Variants in KMT2C observed in about 807,000 individuals in gnomAD.
KMT2C encodes the protein histone-lysine N-methyltransferase 2C.
In KMT2C, 88 loss-of-function variants were observed where a neutral mutation model predicts 507.9. That is an observed-to-expected ratio of 0.17 (90% CI 0.15 to 0.21). The LOEUF is 0.21. KMT2C is among the 10% of genes least tolerant of loss of function. The pLI is 1.00. For missense variants in KMT2C, 4,954 were observed against 5,957.8 expected, an observed-to-expected ratio of 0.83 and a Z score of 5.55; for synonymous variants, 2,049 against 2,080.8, an observed-to-expected ratio of 0.98 and a Z score of 0.42.
rs1022410700 is a variant in KMT2C at position 152,337,732 on chromosome 7, C to T, written c.251-6993G>A. Among the ~76,000 whole-genome samples the T allele has an allele frequency of 1.1e-4, 17 of 152,090 alleles. No homozygotes were observed. The East Asian group carries it at 1.5e-3, about 14-fold the overall frequency. On this transcript the variant is annotated intron_variant, in intron 2 of 58. Transcript: ENST00000262189. ...TGATCCAAAAATAAAAAAAAAAGAA[C>T]GCATGAAAAGCACTTAGCTCAACGT...
At chr7:152,204,636 T>TAGATAGATAGATAGAC (rs376481420) in intron 25 of KMT2C, among the ~76,000 whole-genome samples, 252 of 127,562 alleles carry the variant, frequency 2.0e-3, no homozygotes, top group East Asian at 6.5e-3. Flanking sequence ...GATAGATAGA[T>TAGATAGATAGATAGAC]AGACAGACAG....
At chr7:152,299,123 T>C (rs1167817646) in intron 6 of KMT2C, among the ~76,000 whole-genome samples, 20 of 151,668 alleles carry the variant, frequency 1.3e-4, no homozygotes, top group Admixed American at 1.2e-3. Context: ...ATCGAGACCA[T>C]CCTGGCCAAC....
At chr7:152,298,444 A>AC (rs1488119134) in intron 6 of KMT2C, among the ~76,000 whole-genome samples, 6 of 152,242 alleles carry the variant, frequency 3.9e-5, no homozygotes, top group African/African-American at 1.4e-4. Flanking sequence ...GATAAGAACA[A>AC]CATCAGATTT....
chr7:152,209,302 A>G (rs2094395363), intron 23 of KMT2C, among the ~76,000 whole-genome samples: 1 of 151,582 alleles, frequency 6.6e-6, no homozygotes, highest in South Asian at 2.1e-4. Context: ...TAAAAAATAC[A>G]AAAAATTAGC....
At chr7:152,255,118 TATATATATATATATATATATATATATAC>T (rs1482787960) in intron 9 of KMT2C, among the ~76,000 whole-genome samples, 23 of 97,710 alleles carry the variant, frequency 2.4e-4, no homozygotes, top group South Asian at 2.3e-3. Context: ...CTTATATATA[TATATATATATATATATATATATATATAC>T]ATATATATAT....
intron 2 of KMT2C, among the ~76,000 whole-genome samples, chr7:152,332,609 G>T (rs1210664093): frequency 6.6e-6 from 1 of 152,140 alleles, no homozygotes; most frequent in Admixed American, 6.6e-5. Flanking sequence ...ACTTTGGGAG[G>T]CCAAGGTGGG....
At chr7:152,343,387 T>A in intron 2 of KMT2C, among the ~76,000 whole-genome samples, 1 of 144,886 alleles carries the variant, frequency 6.9e-6, no homozygotes, top group Middle Eastern at 3.7e-3. Flanking sequence ...GGAAACAATC[T>A]CATTGCTTGA....
At chr7:152,376,661 T>C (rs1462966742) in intron 1 of KMT2C, among the ~76,000 whole-genome samples, 3 of 152,208 alleles carry the variant, frequency 2.0e-5, no homozygotes, top group Admixed American at 2.0e-4. Flanking sequence ...GAAGAAAAAC[T>C]GGAAGCAAGT....
At chr7:152,264,051 C>T (rs968996266) in intron 8 of KMT2C, among the ~76,000 whole-genome samples, 6 of 152,066 alleles carry the variant, frequency 3.9e-5, no homozygotes, top group African/African-American at 1.4e-4. Context: ...TCCTCAGCTA[C>T]GTGGAAAGAT....
rs1203025108 is a variant in KMT2C at position 152,154,361 on chromosome 7, C to G, written c.12045G>C (p.Val4015=). The G allele has an allele frequency of 6.2e-7, 1 of 1,614,170 alleles. No individual in the cohort carries two copies. The highest frequency in any genetic ancestry group is 8.5e-7 in the Non-Finnish European group (1 of 1,180,020). The change falls in exon 47 of 59, where the codon GTG becomes GTC. Residue 4015 remains valine, a synonymous_variant. Coordinates refer to ENST00000262189, the MANE Select transcript of KMT2C (RefSeq NM_170606.3). The stretch of plus-strand genomic sequence containing the variant: ...CCAATGACAGATCTGGATACCTGCT[C>G]ACTTCTACCCCAACCACACTCTCAG... ...SSPESVVGVE[V]SRYPDLSLVK...
chr7:152,381,604 T>A (rs1459923882), intron 1 of KMT2C, among the ~76,000 whole-genome samples: 2 of 152,296 alleles, frequency 1.3e-5, no homozygotes, highest in Non-Finnish European at 2.9e-5. Context: ...CTTTAAAATA[T>A]CTTAAGAAAT....
chr7:152,159,225 C>T (rs2092296764), intron 43 of KMT2C, among the ~76,000 whole-genome samples, 153 bp from the exon 44 acceptor site: 1 of 152,154 alleles, frequency 6.6e-6, no homozygotes, highest in Non-Finnish European at 1.5e-5. Context: ...GCTGGTTTTC[C>T]AAAAACACCA....
chr7:152,321,928 A>G (rs987992057), intron 3 of KMT2C, among the ~76,000 whole-genome samples: 1 of 152,006 alleles, frequency 6.6e-6, no homozygotes, highest in Non-Finnish European at 1.5e-5. Flanking sequence ...CCTTAAATTT[A>G]TATGGAAGCA....
rs200338679 is a variant in KMT2C, at chr7:152,183,072, C to G, written c.5167G>C (p.Asp1723His). The G allele has an allele frequency of 6.2e-7, 1 of 1,613,064 alleles. No homozygotes were observed. Among genetic ancestry groups the G allele is most frequent in the Non-Finnish European group, 8.5e-7 (1 of 1,179,418 alleles). ...NDSMKRQQQQ[D>H]SIDPSSRIDS... The stretch of plus-strand genomic sequence containing the variant: ...ATACGAGAGCTGGGATCAATGCTAT[C>G]TTGCTGTTGCTGCCTTTTCATGGAA... Residue 1723 changes from aspartate (D) to histidine (H), a missense_variant, in exon 35 of 59, where the codon GAT (aspartate) becomes CAT (histidine). Physicochemically the swap from Asp to His is moderately conservative, Grantham distance 81. Transcript: ENST00000262189.
chr7:152,145,107 C>G (rs143527029), intron 54 of KMT2C, 46 bp downstream of exon 54: 1 of 1,586,952 alleles, frequency 6.3e-7, no homozygotes, highest in Non-Finnish European at 8.6e-7. Context: ...ACCACTAATA[C>G]GCCTAGAAAC....
intron 10 of KMT2C, 29 bp from the exon 11 acceptor site, chr7:152,252,119 A>C (rs761529331): frequency 6.6e-6 from 10 of 1,519,994 alleles, no homozygotes; most frequent in Middle Eastern, 1.7e-4. Flanking sequence ...TTAAATAAAA[A>C]TTTCTAACAT....
rs751992447 is a variant in KMT2C, at chr7:152,310,020, C to T, written c.795G>A (p.Met265Ile). 2 of 1,613,906 alleles carry T rather than the reference C, an allele frequency of 1.2e-6. No individual in the cohort carries two copies. Among genetic ancestry groups the T allele is most frequent in the Non-Finnish European group, 8.5e-7 (1 of 1,179,870 alleles). Residue 265 changes from methionine to isoleucine, a missense_variant, in exon 6 of 59, where the codon ATG becomes ATA. By Grantham distance (10) the Met-to-Ile change is conservative. Transcript: ENST00000262189. ...CCACGTTCACTAACAATGGTTCTTCCATCTGGCATACTCCTAGTGACCACT... is the reference window on the plus strand; with the variant it reads ...CCACGTTCACTAACAATGGTTCTTCTATCTGGCATACTCCTAGTGACCACT... ...CVEWSLGVCQ[M>I]EEPLLVNVDK... is the part of the protein sequence containing the mutation.
chr7:152,296,465 G>C (rs2096497604), intron 6 of KMT2C, among the ~76,000 whole-genome samples: 1 of 150,928 alleles, frequency 6.6e-6, no homozygotes, highest in East Asian at 2.0e-4. Flanking sequence ...GAGAGAGAGA[G>C]AAATATGCTA....
intron 1 of KMT2C, among the ~76,000 whole-genome samples, chr7:152,426,578 C>G (rs2097821715): frequency 6.6e-6 from 1 of 152,078 alleles, no homozygotes; most frequent in Non-Finnish European, 1.5e-5. Flanking sequence ...TTTCTAATCA[C>G]TTCTGTCTCT....
Sources: gnomAD v4.1 joint callset for allele counts (sites outside exome capture counted in the v4.1 genomes callset) on GRCh38, gnomAD v4.1.1 for gene constraint, MANE v1.5 for transcripts, NCBI Gene and HGNC (gene_info 2026-07-23, HGNC 2026-07-21) for gene names.